Variants in LYST observed in about 807,000 individuals in gnomAD.
LYST encodes the protein lysosomal-trafficking regulator.
LYST carries 192 observed loss-of-function variants against 413.6 expected under a neutral mutation model. That is an observed-to-expected ratio of 0.46 (90% CI 0.41 to 0.52). LYST has a LOEUF of 0.52. Ranked by LOEUF, LYST falls within the 20% of genes least tolerant of loss-of-function variation. The probability of loss-of-function intolerance (pLI) is 0.00; values close to 1 mark genes in which losing one functional copy is unlikely to be tolerated. For synonymous variants in LYST, 1,525 were observed against 1,567.3 expected, an observed-to-expected ratio of 0.97 and a Z score of 0.64; for missense variants, 3,815 against 4,499.9, an observed-to-expected ratio of 0.85 and a Z score of 4.35.
At chr1:235,708,151 C>T (rs1005905949) in intron 44 of LYST, among the ~76,000 whole-genome samples, 1 of 151,592 alleles carries the variant, frequency 6.6e-6, no homozygotes, top group South Asian at 2.1e-4. Context: ...TACCAAATAG[C>T]ATTATTATTA....
chr1:235,842,709 G>T (rs1397428459), intron 1 of LYST, among the ~76,000 whole-genome samples: 1 of 152,106 alleles, frequency 6.6e-6, no homozygotes, highest in Non-Finnish European at 1.5e-5. Context: ...TGGTTCCCTG[G>T]ATTATTTCCT....
chr1:235,847,075 T>C (rs1327789157), intron 1 of LYST, among the ~76,000 whole-genome samples: 1 of 152,204 alleles, frequency 6.6e-6, no homozygotes, highest in African/African-American at 2.4e-5. Flanking sequence ...CACATTGTCA[T>C]GAGGTTATCC....
In LYST at chr1:235,771,460, T is replaced by C. The variant is rs574162253; in HGVS notation, c.5785-1163A>G. ...TAAACTTTGTCCAACTTTGTCCAAG[T>C]TAGGTTTTCCAACCTGCAACTGAGC... On this transcript the variant is annotated intron_variant, in intron 19 of 52. Coordinates refer to ENST00000389793, the MANE Select transcript of LYST (RefSeq NM_000081.4). 7.5e-4 allele frequency among the ~76,000 whole-genome samples: 114 copies of C among 152,308 alleles called. 1 individual carries two copies. The highest frequency in any genetic ancestry group is 1.6e-3 in the Admixed American group (24 of 15,288).
chr1:235,709,438 G>T (rs1283273859), intron 43 of LYST, 130 bp from the exon 44 acceptor site: 2 of 710,668 alleles, frequency 2.8e-6, no homozygotes, highest in African/African-American at 2.5e-5. Context: ...TAGCAAGGAG[G>T]ATTTACATTT....
intron 1 of LYST, among the ~76,000 whole-genome samples, chr1:235,865,747 T>C (rs780965777): frequency 7.9e-5 from 12 of 152,216 alleles, no homozygotes; most frequent in Non-Finnish European, 1.5e-4. Flanking sequence ...TTAGCATAGA[T>C]GAATCTAGGC....
chr1:235,801,109 A>G lies in LYST; in HGVS notation c.3713-12T>C, dbSNP rs1196432775. 4 of 1,496,442 alleles carry G rather than the reference A, an allele frequency of 2.7e-6. No homozygotes were observed. The East Asian group carries it at 6.8e-5, about 25-fold the overall frequency. The allele number at this position is 1,496,442 out of a possible 1,614,324, so 92.7% of individuals were successfully genotyped here. On this transcript the variant is annotated splice_polypyrimidine_tract_variant and intron_variant, in intron 8 of 52. Coordinates refer to ENST00000389793, the MANE Select transcript of LYST (RefSeq NM_000081.4). ...CTTTAAGTCTACCCCTGAAAAGAGA[A>G]AAGCGAAAGATTACTTGTATTCCCT...
At chr1:235,859,479 G>A (rs561149715) in intron 1 of LYST, among the ~76,000 whole-genome samples, 14 of 148,748 alleles carry the variant, frequency 9.4e-5, no homozygotes, top group Non-Finnish European at 1.8e-4. Context: ...ATTGGGTTTA[G>A]GCTTCTCTCC....
intron 1 of LYST, among the ~76,000 whole-genome samples, chr1:235,864,378 A>C (rs1167460887): frequency 2.6e-5 from 4 of 152,096 alleles, no homozygotes; most frequent in Non-Finnish European, 5.9e-5. Context: ...TCGTAAACCT[A>C]ATCTCAGTAA....
intron 20 of LYST, among the ~76,000 whole-genome samples, chr1:235,768,597 T>C (rs1160046172): frequency 1.3e-5 from 2 of 152,070 alleles, no homozygotes. Context: ...TAAAGAACTA[T>C]ACATGTAAAG....
At chr1:235,828,024 TC>T in intron 3 of LYST, 1 of 429,156 alleles carries the variant, frequency 2.3e-6, no homozygotes, top group Non-Finnish European at 3.1e-6. Context: ...GAAAAAATGC[TC>T]AACATCATTA....
intron 48 of LYST, among the ~76,000 whole-genome samples, chr1:235,683,305 G>A (rs1344315565): frequency 6.6e-6 from 1 of 152,180 alleles, no homozygotes; most frequent in Non-Finnish European, 1.5e-5. Flanking sequence ...CCTTGTATAA[G>A]CTGCACACAT....
Position 235,762,767 on chromosome 1 carries a change from C to T in LYST, c.6206G>A (p.Gly2069Glu). 6.2e-7 allele frequency: 1 copy of T among 1,613,426 alleles called. No homozygotes were observed. Among genetic ancestry groups the T allele is most frequent in the Admixed American group, 1.7e-5 (1 of 59,986 alleles). ...SSGGRSLMSP[G>E]FMVISPSGFT... ...ACCAGATGGGCTTATTACCATAAAT[C>T]CAGGGCTCATAAGGGACCTTCCTCC... The change falls in exon 22 of 53, where the codon GGA (glycine) becomes GAA (glutamate). Residue 2069 changes from glycine to glutamate, a missense_variant. Coordinates refer to ENST00000389793, the MANE Select transcript of LYST (RefSeq NM_000081.4).
chr1:235,777,265 T>C lies in LYST; in HGVS notation c.5258A>G (p.Tyr1753Cys), dbSNP rs1472516728. The change falls in exon 17 of 53, where the codon TAT becomes TGT. Residue 1753 changes from tyrosine (Y) to cysteine (C), a missense_variant. This residue lies in a region of LYST where 530 missense variants were observed against 696.5 expected (regional missense o/e 0.76). Transcript: ENST00000389793. ...TCTAATCACTGGTTCATAGATGGTA[T>C]ACTGAGCAGGACAGTAAGTTGTATA... ...VVYTTYCPAQ[Y>C]TIYEPVIRLK... The C allele has an allele frequency of 2.2e-5, 36 of 1,612,492 alleles. No individual in the cohort carries two copies. The highest frequency in any genetic ancestry group is 2.9e-5 in the Non-Finnish European group (34 of 1,178,632).
At position 235,715,368 on chromosome 1, in the gene LYST, C is replaced by A. The variant is rs764216403; in HGVS notation, c.9628-11G>T. On this transcript the variant is annotated splice_polypyrimidine_tract_variant and intron_variant, in intron 41 of 52. Coordinates refer to ENST00000389793, the MANE Select transcript of LYST (RefSeq NM_000081.4). ...CTCTTCCTCCAAGTACTGAAAGAAA[C>A]GGTGAATCCAGAGAATTCATGATTG... 3.1e-6 allele frequency: 5 copies of A among 1,613,218 alleles called. No individual in the cohort carries two copies. Among genetic ancestry groups the A allele is most frequent in the East Asian group, 2.2e-5 (1 of 44,888 alleles).
chr1:235,746,362 A>G lies in LYST; in HGVS notation c.7946T>C (p.Leu2649Ser), dbSNP rs756281877. 3 of 1,613,768 alleles carry G rather than the reference A, an allele frequency of 1.9e-6. No homozygotes were observed. The highest frequency in any genetic ancestry group is 2.2e-5 in the East Asian group (1 of 44,888). Residue 2649 changes from leucine (L) to serine (S), a missense_variant, in exon 29 of 53, where the codon TTA becomes TCA. Leu to Ser is a moderately radical substitution (Grantham distance 145). Coordinates refer to ENST00000389793, the MANE Select transcript of LYST (RefSeq NM_000081.4). ...TTGATAAATAATCCTGTTGACTGCT[A>G]AAACAGTGAGCCTCTGTAGTCTCTG... is the stretch of plus-strand genomic sequence containing the variant. Reference protein sequence around the residue: ...LAQRLQRLTVLAVNRIIYQEF... With the variant: ...LAQRLQRLTVSAVNRIIYQEF...
chr1:235,781,762 C>G (rs1669892810), intron 15 of LYST, among the ~76,000 whole-genome samples, 165 bp downstream of exon 15: 1 of 151,958 alleles, frequency 6.6e-6, no homozygotes, highest in Non-Finnish European at 1.5e-5. Context: ...AAATACAGTA[C>G]TTATTAAACA....
intron 1 of LYST, among the ~76,000 whole-genome samples, chr1:235,857,057 T>C (rs1416042842): frequency 6.6e-6 from 1 of 151,662 alleles, no homozygotes; most frequent in African/African-American, 2.4e-5. Flanking sequence ...GCGATTCTCA[T>C]GCCTCAGCCT....
At position 235,773,891 on chromosome 1, in the gene LYST, T is replaced by G. The variant is rs138558633; in HGVS notation, c.5735A>C (p.Lys1912Thr). The G allele has an allele frequency of 1.9e-6, 3 of 1,611,366 alleles. No individual in the cohort carries two copies. The highest frequency in any genetic ancestry group is 2.5e-6 in the Non-Finnish European group (3 of 1,177,632). The change falls in exon 19 of 53, where the codon AAG (lysine) becomes ACG (threonine). Residue 1912 changes from lysine to threonine, a missense_variant. By Grantham distance (78) the Lys-to-Thr change is moderately conservative. Coordinates refer to ENST00000389793, the MANE Select transcript of LYST (RefSeq NM_000081.4). ...VDSNAIIQDV[K>T]LLEELLLDWK... ...GTCAAGCAATAGTTCCTCTAACAGC[T>G]TAACATCTTGGATTATAGCATTAGA...
chr1:235,708,721 T>C (rs1188889080), intron 44 of LYST, among the ~76,000 whole-genome samples: 1 of 152,224 alleles, frequency 6.6e-6, no homozygotes, highest in Admixed American at 6.5e-5. Flanking sequence ...GTATGCTTTT[T>C]GTGCTTTACC....
Sources: allele counts gnomAD v4.1 joint callset (sites outside exome capture counted in the v4.1 genomes callset), GRCh38; gene constraint gnomAD v4.1.1; regional missense constraint gnomAD v4.1.1; transcripts MANE v1.5; gene names NCBI Gene and HGNC (gene_info 2026-07-23, HGNC 2026-07-21).